Variants in DMD observed in about 807,000 individuals in gnomAD.
DMD encodes the protein mutant dystrophin.
DMD carries 63 observed loss-of-function variants against 330.1 expected under a neutral mutation model. The observed-to-expected ratio is 0.19, with a 90% CI of 0.16 to 0.24. The LOEUF (loss-of-function observed/expected upper bound fraction) is 0.24, where lower values mean the gene tolerates loss of function less well. DMD is among the 10% of genes least tolerant of loss of function. The pLI is 1.00. For missense variants in DMD, 3,344 were observed against 2,684.1 expected (o/e 1.25, Z -5.43); for synonymous variants, 1,223 against 959.8 (o/e 1.27, Z -5.07).
chrX:31,333,415 T>C (rs913550812), intron 61 of DMD, among the ~76,000 whole-genome samples: 20 of 91,234 alleles, frequency 2.2e-4, no homozygotes, highest in Non-Finnish European at 3.4e-4. Context: ...GCCTTTTTTT[T>C]TTTTTTTTTT....
chrX:31,708,409 G>A (rs932357779), intron 52 of DMD, among the ~76,000 whole-genome samples: 5 of 111,450 alleles, frequency 4.5e-5, no homozygotes, highest in African/African-American at 1.6e-4. Flanking sequence ...AAACACGGAT[G>A]GATATAAAAG....
At chrX:31,482,896 T>C (rs2068422367) in intron 57 of DMD, among the ~76,000 whole-genome samples, 1 of 110,555 alleles carries the variant, frequency 9.0e-6, no homozygotes, top group Non-Finnish European at 1.9e-5. Flanking sequence ...TGAGAGACTT[T>C]CGATGTTAAA....
chrX:32,216,003 T>A (rs1392577595), intron 44 of DMD, among the ~76,000 whole-genome samples: 1 of 112,285 alleles, frequency 8.9e-6, no homozygotes, highest in Non-Finnish European at 1.9e-5. Flanking sequence ...TGAAGACTTG[T>A]AAAGTCAAAT....
At chrX:32,979,583 A>G (rs758413284) in intron 2 of DMD, among the ~76,000 whole-genome samples, 37 of 111,695 alleles carry the variant, frequency 3.3e-4, no homozygotes, top group Non-Finnish European at 6.0e-4. Context: ...ACTGGTGAAA[A>G]TACTGAAAGA....
intron 41 of DMD, among the ~76,000 whole-genome samples, chrX:32,327,924 TA>T (rs746956398): frequency 1.4e-3 from 153 of 111,878 alleles, no homozygotes; most frequent in African/African-American, 4.8e-3. Context: ...TTTTACCAAA[TA>T]AAAAATAAAT....
chrX:32,307,656 T>G, intron 42 of DMD, among the ~76,000 whole-genome samples: 1 of 111,646 alleles, frequency 9.0e-6, no homozygotes, highest in East Asian at 2.8e-4. Flanking sequence ...CATTTCTGCT[T>G]TTAGGATAAG....
At chrX:31,721,312 G>A (rs1426468469) in intron 52 of DMD, among the ~76,000 whole-genome samples, 2 of 110,623 alleles carry the variant, frequency 1.8e-5, no homozygotes, top group Non-Finnish European at 3.8e-5. Flanking sequence ...TGCTGTGAAG[G>A]TATTTTTTAG....
chrX:32,215,817 C>A (rs961261392), intron 44 of DMD, among the ~76,000 whole-genome samples: 9 of 111,730 alleles, frequency 8.1e-5, no homozygotes, highest in Middle Eastern at 9.3e-3. Context: ...CCATACATTT[C>A]CTCTCTATAC....
chrX:32,816,962 T>C (rs2077811210), intron 5 of DMD, among the ~76,000 whole-genome samples: 1 of 112,280 alleles, frequency 8.9e-6, no homozygotes, highest in Non-Finnish European at 1.9e-5. Flanking sequence ...AGACAGTGTA[T>C]AAAACATTAG....
At chrX:32,781,855 G>C (rs1007719648) in intron 7 of DMD, among the ~76,000 whole-genome samples, 8 of 111,088 alleles carry the variant, frequency 7.2e-5, no homozygotes, top group African/African-American at 2.6e-4. Flanking sequence ...GAACATTTGA[G>C]TCACCTTTAA....
At chrX:31,641,363 C>T (rs780101808) in intron 54 of DMD, among the ~76,000 whole-genome samples, 1 of 109,460 alleles carries the variant, frequency 9.1e-6, no homozygotes. Context: ...ATTAGCAGGG[C>T]GTGGTGGTGG....
intron 9 of DMD, among the ~76,000 whole-genome samples, chrX:32,665,610 A>C (rs985444341): frequency 2.7e-5 from 3 of 112,202 alleles, no homozygotes; most frequent in Non-Finnish European, 5.6e-5. Context: ...AGCTGCCCTC[A>C]AGGAAATCAT....
At chrX:31,303,293 C>A (rs1048042192) in intron 62 of DMD, among the ~76,000 whole-genome samples, 5 of 111,399 alleles carry the variant, frequency 4.5e-5, no homozygotes, top group Middle Eastern at 4.6e-3. Flanking sequence ...GACTCCAACC[C>A]AGATGCGCCT....
intron 44 of DMD, among the ~76,000 whole-genome samples, chrX:32,155,728 G>A (rs1316623588): frequency 1.8e-5 from 2 of 111,484 alleles, no homozygotes; most frequent in Non-Finnish European, 3.8e-5. Flanking sequence ...ATACTTTAAG[G>A]AAGATCATTT....
At position 33,025,162 on chromosome X, in the gene DMD, T is replaced by C. The variant is rs144421029; in HGVS notation, c.32-4962A>G. On this transcript the variant is annotated intron_variant, in intron 1 of 78. Transcript: ENST00000357033. ...AGCCACATGGGTGTTAGAAAAGATA[T>C]TTTGGAGAAGGTAATGGGTAGGTTG... Among the ~76,000 whole-genome samples, 635 of 111,805 alleles carry C rather than the reference T, an allele frequency of 5.7e-3. 1 individual carries two copies. The highest frequency in any genetic ancestry group is 0.019 in the African/African-American group (593 of 30,793).
intron 60 of DMD, among the ~76,000 whole-genome samples, chrX:31,410,068 C>T (rs1330624860): frequency 2.7e-5 from 3 of 112,301 alleles, no homozygotes; most frequent in African/African-American, 9.7e-5. Context: ...GATCTGCCCA[C>T]CTCAGCCTCC....
chrX:31,411,149 C>G (rs2061627890), intron 60 of DMD, among the ~76,000 whole-genome samples: 1 of 110,870 alleles, frequency 9.0e-6, no homozygotes, highest in South Asian at 3.8e-4. Flanking sequence ...AAAACATGCT[C>G]TGTGAACTTA....
At chrX:31,158,410 C>T (rs1193228236) in intron 74 of DMD, among the ~76,000 whole-genome samples, 1 of 111,833 alleles carries the variant, frequency 8.9e-6, no homozygotes, top group Non-Finnish European at 1.9e-5. Flanking sequence ...TCCATAGAGA[C>T]AGAAAGTAGA....
At chrX:31,888,232 T>C (rs2094183956) in intron 47 of DMD, among the ~76,000 whole-genome samples, 1 of 111,706 alleles carries the variant, frequency 9.0e-6, no homozygotes, top group African/African-American at 3.3e-5. Flanking sequence ...CAGGGCTAGG[T>C]ATTAATTAAT....
Sources: gnomAD v4.1 joint callset for allele counts (sites outside exome capture counted in the v4.1 genomes callset) on GRCh38, gnomAD v4.1.1 for gene constraint, MANE v1.5 for transcripts, NCBI Gene and HGNC (gene_info 2026-07-23, HGNC 2026-07-21) for gene names.